FAM228B: variants seen among roughly 807,000 people sequenced by gnomAD.
FAM228B encodes the protein protein FAM228B.
Under a neutral mutation model 42.6 loss-of-function variants are expected in FAM228B, and 38 were observed. The observed-to-expected ratio is 0.89, with a 90% CI of 0.69 to 1.17. The LOEUF (loss-of-function observed/expected upper bound fraction) is 1.17, where lower values mean the gene tolerates loss of function less well. Ranked by LOEUF, FAM228B falls within the 50% of genes most tolerant of loss-of-function variation. The pLI is 0.00. For missense variants in FAM228B, 344 were observed against 367.3 expected (o/e 0.94, Z 0.52); for synonymous variants, 109 against 122.3 (o/e 0.89, Z 0.72).
chr2:24,164,321 G>A lies in FAM228B; in HGVS notation c.918G>A (p.Glu306=). 1 of 1,550,710 alleles carries A rather than the reference G, an allele frequency of 6.4e-7. No individual in the cohort carries two copies. Among genetic ancestry groups the A allele is most frequent in the Non-Finnish European group, 8.7e-7 (1 of 1,146,446 alleles). ...FSSLSLSQER[E]EDQDGSPSPR... The stretch of plus-strand genomic sequence containing the variant: ...CCTTGAGCCTCAGCCAGGAACGGGA[G>A]GAAGACCAGGATGGGTAAGAGCTGG... Residue 306 remains glutamate (E), a synonymous_variant, in exon 9 of 11, where the codon GAG becomes GAA. Transcript: ENST00000615575.
At chr2:24,165,435 G>GGCTCT (rs1194299570) in intron 9 of FAM228B, 1 of 471,176 alleles carries the variant, frequency 2.1e-6, no homozygotes, top group Non-Finnish European at 4.4e-6. Flanking sequence ...TCTGCTCTGA[G>GGCTCT]GCTCTGCTGT....
At chr2:24,090,049 G>A (rs1191200311) in intron 2 of FAM228B, among the ~76,000 whole-genome samples, 6 of 151,902 alleles carry the variant, frequency 3.9e-5, no homozygotes, top group South Asian at 4.2e-4. Context: ...CAAGGCGGGC[G>A]GATCACGAGG....
intron 1 of FAM228B, 49 bp from the exon 2 acceptor site, chr2:24,124,281 A>G (rs1266242225): frequency 2.1e-6 from 2 of 956,692 alleles, no homozygotes; most frequent in Non-Finnish European, 1.6e-6. Context: ...AACAGAAGAG[A>G]AAATCAGATG....
intron 3 of FAM228B, among the ~76,000 whole-genome samples, chr2:24,103,585 C>T (rs1243264114): frequency 5.9e-5 from 9 of 152,184 alleles, no homozygotes; most frequent in African/African-American, 2.2e-4. Flanking sequence ...GAATGCTCTA[C>T]AGAGGAGGCT....
At chr2:24,166,084 C>CAT (rs1286799270) in intron 9 of FAM228B, 1 of 102,668 alleles carries the variant, frequency 9.7e-6, no homozygotes, top group Non-Finnish European at 2.1e-5. Context: ...TATGTATTCA[C>CAT]ATATATATAG....
chr2:24,155,613 T>C (rs1340171149), intron 7 of FAM228B, among the ~76,000 whole-genome samples: 1 of 142,860 alleles, frequency 7.0e-6, no homozygotes, highest in East Asian at 2.1e-4. Context: ...TGATCTTGGC[T>C]CACTGCAACC....
rs374542707 is a variant in FAM228B at position 24,084,157 on chromosome 2, C to A, written c.-210+3202C>A. The A allele has an allele frequency of 4.4e-6, 7 of 1,588,188 alleles. No individual in the cohort carries two copies. Among genetic ancestry groups the A allele is most frequent in the Middle Eastern group, 4.1e-4 (2 of 4,938 alleles). ...TGTTGAGAGGGAGGCTCTGGAGTCCCGCCCGCCCCGGCGCGGCTGAGCCCT... is the reference window on the plus strand; with the variant it reads ...TGTTGAGAGGGAGGCTCTGGAGTCCAGCCCGCCCCGGCGCGGCTGAGCCCT... On this transcript the variant is annotated intron_variant, in intron 2 of 10. Transcript: ENST00000613899. This position sits in a 1 kb window ranked among gnomAD's most constrained non-coding sequence, Gnocchi z 8.4.
At position 24,113,193 on chromosome 2, in the gene FAM228B, C is replaced by T. The variant is rs534919897; in HGVS notation, c.-121+17964C>T. Among the ~76,000 whole-genome samples, 5 of 152,208 alleles carry T rather than the reference C, an allele frequency of 3.3e-5. No individual in the cohort carries two copies. The South Asian group carries it at 1.0e-3, about 32-fold the overall frequency. ...TAGGTAGTGGTGATACAACAGTAAA[C>T]AATACATCTAAATACACTTATTTAA... On this transcript the variant is annotated intron_variant, in intron 3 of 10. Transcript: ENST00000613899.
chr2:24,130,244 T>C (rs979831064), intron 2 of FAM228B, among the ~76,000 whole-genome samples: 2 of 152,254 alleles, frequency 1.3e-5, no homozygotes, highest in African/African-American at 4.8e-5. Flanking sequence ...ATATCTTTGC[T>C]ATTGTAAATA....
At chr2:24,094,508 A>G (rs1665457612) in intron 2 of FAM228B, among the ~76,000 whole-genome samples, 1 of 152,158 alleles carries the variant, frequency 6.6e-6, no homozygotes, top group Non-Finnish European at 1.5e-5. Context: ...CCCGAGAGAC[A>G]GAGTCTTGTT....
chr2:24,077,878 C>T lies in FAM228B; in HGVS notation c.-290+909C>T. The stretch of plus-strand genomic sequence containing the variant: ...ACGTATCTGAAAAAGCACACAGGGA[C>T]ACTTAACCCCTCACTTCCTAGCATG... On this transcript the variant is annotated intron_variant, in intron 1 of 10. Coordinates refer to the FAM228B transcript ENST00000613899. The surrounding 1 kb of genome is among the most constrained non-coding windows in gnomAD (Gnocchi z 5.5). The T allele has an allele frequency of 9.3e-7, 1 of 1,077,188 alleles. No homozygotes were observed. Among genetic ancestry groups the T allele is most frequent in the Middle Eastern group, 3.0e-4 (1 of 3,336 alleles). 66.7% of individuals were successfully genotyped at this position (1,077,188 alleles called of 1,614,324 possible). A position where few individuals can be genotyped will look rare whatever the true frequency, so the allele number is the denominator to read the frequency against.
chr2:24,121,265 T>A, upstream of FAM228B: 1 of 1,614,150 alleles, frequency 6.2e-7, no homozygotes, highest in East Asian at 2.2e-5. Context: ...TCTTGGCAAA[T>A]CCATTCACCA....
At chr2:24,131,215 G>T (rs1019454574) in intron 2 of FAM228B, among the ~76,000 whole-genome samples, 19 of 152,176 alleles carry the variant, frequency 1.2e-4, no homozygotes, top group African/African-American at 4.3e-4. Context: ...GTACCATGCT[G>T]TTGTGATTAC....
chr2:24,105,259 C>G (rs1665680743), intron 3 of FAM228B, among the ~76,000 whole-genome samples: 1 of 152,200 alleles, frequency 6.6e-6, no homozygotes, highest in South Asian at 2.1e-4. Flanking sequence ...ACCTGTGGCC[C>G]TTGCCTAAGG....
chr2:24,140,182 T>C (rs541268523), intron 5 of FAM228B, among the ~76,000 whole-genome samples: 1 of 152,298 alleles, frequency 6.6e-6, no homozygotes, highest in East Asian at 1.9e-4. Flanking sequence ...TGTTTTGTTT[T>C]GTTTCGTTTT....
Position 24,077,794 on chromosome 2 carries a change from G to A in FAM228B, c.-290+825G>A. On this transcript the variant is annotated intron_variant, in intron 1 of 10. Coordinates refer to the FAM228B transcript ENST00000613899. The surrounding 1 kb of genome is among the most constrained non-coding windows in gnomAD (Gnocchi z 5.5). Reference sequence around the variant, plus strand: ...AAGGGAAAGGAGATCATCAGCCTGGGGAGAGAGCCTCACCCTGCCCTCCTC... The same window carrying A: ...AAGGGAAAGGAGATCATCAGCCTGGAGAGAGAGCCTCACCCTGCCCTCCTC... 6.3e-7 allele frequency: 1 copy of A among 1,592,088 alleles called. No individual in the cohort carries two copies. Among genetic ancestry groups the A allele is most frequent in the Non-Finnish European group, 8.6e-7 (1 of 1,167,192 alleles).
At chr2:24,083,243 T>C in intron 2 of FAM228B, 1 of 1,472,754 alleles carries the variant, frequency 6.8e-7, no homozygotes, top group Non-Finnish European at 9.1e-7. Flanking sequence ...CCCTCTTTTT[T>C]TTTTCAAAAA....
intron 1 of FAM228B, chr2:24,079,546 A>G (rs538901173): frequency 1.2e-6 from 2 of 1,614,142 alleles, no homozygotes; most frequent in African/African-American, 1.3e-5. Flanking sequence ...CCATCAGACC[A>G]TAGAGAACCC....
intron 2 of FAM228B, among the ~76,000 whole-genome samples, chr2:24,087,643 C>T (rs1665291323): frequency 6.6e-6 from 1 of 152,096 alleles, no homozygotes; most frequent in Non-Finnish European, 1.5e-5. Flanking sequence ...CTGAGTCTCA[C>T]TCTGTTGCCC....
Sources: gnomAD v4.1 joint callset for allele counts (sites outside exome capture counted in the v4.1 genomes callset) on GRCh38, gnomAD v4.1.1 for gene constraint, Gnocchi (gnomAD v3.1) non-coding constraint, MANE v1.5 for transcripts, NCBI Gene and HGNC (gene_info 2026-07-23, HGNC 2026-07-21) for gene names.